PRUNE2: variants seen among roughly 807,000 people sequenced by gnomAD.
PRUNE2 encodes the protein prune homolog 2 with BCH domain.
In PRUNE2, 164 loss-of-function variants were observed where a neutral mutation model predicts 252.0. The ratio of observed to expected loss-of-function variants is 0.65; its 90% CI spans 0.57 to 0.74. PRUNE2 has a LOEUF of 0.74. Ranked by LOEUF, PRUNE2 falls within the 30% of genes least tolerant of loss-of-function variation. The pLI is 0.00. For synonymous variants in PRUNE2, 1,292 were observed against 1,350.2 expected (o/e 0.96, Z 0.94); for missense variants, 3,495 against 3,711.0 (o/e 0.94, Z 1.51).
At chr9:76,896,173 C>T (rs1486483252) in intron 1 of PRUNE2, among the ~76,000 whole-genome samples, 1 of 152,198 alleles carries the variant, frequency 6.6e-6, no homozygotes, top group Admixed American at 6.5e-5. Context: ...CAGCCACCTC[C>T]CTTTCCATCA....
At chr9:76,630,465 G>A (rs183366546) in intron 15 of PRUNE2, among the ~76,000 whole-genome samples, 156 of 152,236 alleles carry the variant, frequency 1.0e-3, no homozygotes, top group Middle Eastern at 6.8e-3. Flanking sequence ...AGGGGATTAG[G>A]AACAGGAATT....
At position 76,852,802 on chromosome 9, in the gene PRUNE2, G is replaced by GTCTA. The variant is rs752466371; in HGVS notation, c.141+1301_141+1302insTAGA. Among the ~76,000 whole-genome samples, 68 of 150,494 alleles carry GTCTA rather than the reference G, an allele frequency of 4.5e-4. 1 individual carries two copies. Among genetic ancestry groups the GTCTA allele is most frequent in the Middle Eastern group, 6.8e-3 (2 of 294 alleles). Reference sequence around the variant, plus strand: ...TTTATTTTTATCTAGCCATCTGTCTGTCTGTCTATCTATCTATCTATCTAT... The same window carrying GTCTA: ...TTTATTTTTATCTAGCCATCTGTCTGTCTATCTGTCTATCTATCTATCTATCTAT... On this transcript the variant is annotated intron_variant, in intron 2 of 18. Coordinates refer to ENST00000376718, the MANE Select transcript of PRUNE2 (RefSeq NM_015225.3).
intron 6 of PRUNE2, among the ~76,000 whole-genome samples, chr9:76,811,691 TGC>T (rs2057366850): frequency 6.6e-6 from 1 of 152,212 alleles, no homozygotes; most frequent in Non-Finnish European, 1.5e-5. Flanking sequence ...GGTGCAGTGA[TGC>T]ATAAATTTAT....
intron 1 of PRUNE2, among the ~76,000 whole-genome samples, chr9:76,878,651 T>TCATGC (rs2061595123): frequency 6.6e-6 from 1 of 152,214 alleles, no homozygotes; most frequent in Non-Finnish European, 1.5e-5. Context: ...GACAAGGTAT[T>TCATGC]CATTCTCCTG....
chr9:76,838,645 C>CA (rs10540002), intron 4 of PRUNE2, among the ~76,000 whole-genome samples: 1,698 of 84,348 alleles, frequency 0.02, 50 homozygotes, highest in Non-Finnish European at 0.028. Context: ...AACTCTGTCT[C>CA]AAAAAAAAAA....
At chr9:76,806,998 C>T (rs958039866) in intron 6 of PRUNE2, among the ~76,000 whole-genome samples, 2 of 151,070 alleles carry the variant, frequency 1.3e-5, no homozygotes, top group Non-Finnish European at 2.9e-5. Context: ...AGATTCCATA[C>T]CTTTAACCAC....
At chr9:76,688,305 A>G (rs956021045) in intron 9 of PRUNE2, among the ~76,000 whole-genome samples, 2 of 152,246 alleles carry the variant, frequency 1.3e-5, no homozygotes, top group African/African-American at 4.8e-5. Context: ...CACCAGGACC[A>G]TGACCTAAGG....
chr9:76,803,830 ACTGT>A (rs2056738184), intron 6 of PRUNE2, among the ~76,000 whole-genome samples: 1 of 151,952 alleles, frequency 6.6e-6, no homozygotes, highest in African/African-American at 2.4e-5. Context: ...TAAATATTAG[ACTGT>A]CTGTTCTTCG....
At chr9:76,807,996 G>A (rs994105466) in intron 6 of PRUNE2, among the ~76,000 whole-genome samples, 81 of 152,184 alleles carry the variant, frequency 5.3e-4, no homozygotes, top group African/African-American at 1.8e-3. Context: ...TGGCCAATAT[G>A]GTGAAACCCC....
chr9:76,713,579 A>G lies in PRUNE2; in HGVS notation c.899T>C (p.Met300Thr). ...RRQIAVYSEN[M>T]ELCSQICCEL... is the part of the protein sequence containing the mutation. ...GGGGCTCACCTGACTGCACAGCTCC[A>G]TGTTTTCTGAGTACACAGCAATCTG... Residue 300 changes from methionine (M) to threonine (T), a missense_variant, in exon 7 of 19, where the codon ATG (methionine) becomes ACG (threonine). Met to Thr is a moderately conservative substitution (Grantham distance 81, BLOSUM62 -1). Transcript: ENST00000376718. 1.9e-6 allele frequency: 3 copies of G among 1,610,824 alleles called. No individual in the cohort carries two copies. Among genetic ancestry groups the G allele is most frequent in the Non-Finnish European group, 1.7e-6 (2 of 1,178,564 alleles).
chr9:76,874,366 TG>T (rs1479198094), intron 1 of PRUNE2, among the ~76,000 whole-genome samples: 6 of 152,302 alleles, frequency 3.9e-5, no homozygotes, highest in African/African-American at 1.4e-4. Flanking sequence ...GAAAGCATGT[TG>T]GGGAGTCTAA....
intron 1 of PRUNE2, among the ~76,000 whole-genome samples, chr9:76,870,579 G>A (rs1381811735): frequency 4.6e-5 from 7 of 151,876 alleles, no homozygotes; most frequent in African/African-American, 7.3e-5. Flanking sequence ...CCACCTACTC[G>A]GGAGGCTGAG....
At chr9:76,879,380 T>C (rs1239435169) in intron 1 of PRUNE2, among the ~76,000 whole-genome samples, 1 of 152,236 alleles carries the variant, frequency 6.6e-6, no homozygotes, top group Non-Finnish European at 1.5e-5. Flanking sequence ...AGCTATGCTA[T>C]ACTCAACAAC....
At position 76,613,585 on chromosome 9, in the gene PRUNE2, G is replaced by A. The variant is rs1232440619; in HGVS notation, c.*985C>T. 2 of 152,172 alleles carry A rather than the reference G, an allele frequency of 1.3e-5. No homozygotes were observed. The highest frequency in any genetic ancestry group is 2.9e-5 in the Non-Finnish European group (2 of 68,022). The allele number at this position is 152,172 out of a possible 1,614,324, so 9.4% of individuals were successfully genotyped here. A position where few individuals can be genotyped will look rare whatever the true frequency, so the allele number is the denominator to read the frequency against. On this transcript the variant is annotated 3_prime_UTR_variant, in exon 19 of 19. Transcript: ENST00000376718. ...CACCTCACTAGAGGCCTACAGACTT[G>A]AAATCTTGTTGGCATTTTAAAGGGC...
At chr9:76,744,036 T>C (rs1275888424) in intron 6 of PRUNE2, among the ~76,000 whole-genome samples, 1 of 152,204 alleles carries the variant, frequency 6.6e-6, no homozygotes, top group Non-Finnish European at 1.5e-5. Flanking sequence ...CAAGTTTGTC[T>C]AAGTGCACTA....
chr9:76,807,942 C>T (rs549024554), intron 6 of PRUNE2, among the ~76,000 whole-genome samples: 1 of 152,326 alleles, frequency 6.6e-6, no homozygotes, highest in East Asian at 1.9e-4. Flanking sequence ...CTTTGGGAGG[C>T]TGAGGCGGGT....
At chr9:76,741,777 C>T (rs2049642310) in intron 6 of PRUNE2, among the ~76,000 whole-genome samples, 1 of 152,204 alleles carries the variant, frequency 6.6e-6, no homozygotes, top group African/African-American at 2.4e-5. Context: ...CAGTCAGCTT[C>T]CCGCAAGCTT....
At position 76,706,716 on chromosome 9, in the gene PRUNE2, C is replaced by T. The variant is rs202143728; in HGVS notation, c.5558G>A (p.Gly1853Asp). Residue 1853 changes from glycine to aspartate, a missense_variant, in exon 8 of 19, where the codon GGT becomes GAT. Coordinates refer to ENST00000376718, the MANE Select transcript of PRUNE2 (RefSeq NM_015225.3). Reference protein sequence around the residue: ...PFERELSDSSGVLEINSSVHQ... With the variant: ...PFERELSDSSDVLEINSSVHQ... ...TACTGAAGAATTTATCTCCAACACA[C>T]CACTGGAGTCAGACAGCTCCCTTTC... is the stretch of plus-strand genomic sequence containing the variant. 6.8e-6 allele frequency: 11 copies of T among 1,613,282 alleles called. No individual in the cohort carries two copies. In the Admixed American group the frequency reaches 1.8e-4, roughly 27 times the overall value.
At chr9:76,796,912 T>C (rs1490371789) in intron 6 of PRUNE2, among the ~76,000 whole-genome samples, 2 of 152,206 alleles carry the variant, frequency 1.3e-5, no homozygotes, top group Non-Finnish European at 2.9e-5. Context: ...TCTTCTTGGA[T>C]CTTGATCCTG....
Sources: gnomAD v4.1 joint callset for allele counts (sites outside exome capture counted in the v4.1 genomes callset) on GRCh38, gnomAD v4.1.1 for gene constraint, MANE v1.5 for transcripts, NCBI Gene and HGNC (gene_info 2026-07-23, HGNC 2026-07-21) for gene names.